GPC6: variants seen among roughly 807,000 people sequenced by gnomAD.
GPC6 encodes glypican-6.
In GPC6, 14 loss-of-function variants were observed where a neutral mutation model predicts 55.2. That is an observed-to-expected ratio of 0.25 (90% CI 0.17 to 0.40). The LOEUF is 0.40. Among genes scored for constraint, GPC6 ranks in the 10% least tolerant of loss-of-function variants. The pLI is 1.00. For missense variants in GPC6, 641 were observed against 708.5 expected (o/e 0.90, Z 1.08); for synonymous variants, 278 against 259.6 (o/e 1.07, Z -0.68).
At chr13:94,118,876 A>G (rs1335131170) in intron 4 of GPC6, among the ~76,000 whole-genome samples, 1 of 152,066 alleles carries the variant, frequency 6.6e-6, no homozygotes, top group Non-Finnish European at 1.5e-5. Context: ...TCTGCTTCAG[A>G]GAGTGTCTCT....
intron 4 of GPC6, among the ~76,000 whole-genome samples, chr13:94,135,369 A>G (rs1887150131): frequency 6.6e-6 from 1 of 152,004 alleles, no homozygotes; most frequent in Non-Finnish European, 1.5e-5. Context: ...TAATCTTGTT[A>G]CTTTAAATAA....
chr13:93,395,087 C>A (rs1875793673), intron 1 of GPC6: 1 of 264,360 alleles, frequency 3.8e-6, no homozygotes, highest in Non-Finnish European at 7.5e-6. Context: ...AAAATCATTG[C>A]AGATTACACA....
chr13:93,596,610 AATAT>A (rs66682625), intron 2 of GPC6, among the ~76,000 whole-genome samples: 1,628 of 132,732 alleles, frequency 0.012, 53 homozygotes, highest in East Asian at 0.12. Context: ...TAAATAAATA[AATAT>A]ATATATATAT....
chr13:94,098,683 G>A (rs1885749877), intron 4 of GPC6, among the ~76,000 whole-genome samples: 1 of 152,000 alleles, frequency 6.6e-6, no homozygotes, highest in Middle Eastern at 3.4e-3. Context: ...ATGATCTTCT[G>A]AATAGGAAAA....
chr13:93,537,905 A>G (rs1397659984), intron 1 of GPC6, among the ~76,000 whole-genome samples: 8 of 135,952 alleles, frequency 5.9e-5, no homozygotes, highest in Admixed American at 5.5e-4. Flanking sequence ...TGAAATTAAA[A>G]TAAAGAACTG....
chr13:93,455,890 A>G (rs1878434897), intron 1 of GPC6, among the ~76,000 whole-genome samples: 1 of 152,162 alleles, frequency 6.6e-6, no homozygotes, highest in Non-Finnish European at 1.5e-5. Context: ...TGCGTCATGA[A>G]CTGCTGTTCA....
chr13:93,547,232 G>C (rs1362507194), intron 2 of GPC6, among the ~76,000 whole-genome samples: 1 of 151,684 alleles, frequency 6.6e-6, no homozygotes, highest in African/African-American at 2.4e-5. Flanking sequence ...TGTAGTCCCA[G>C]CTACTGGGGA....
At chr13:93,304,118 G>A (rs758470675) in intron 1 of GPC6, among the ~76,000 whole-genome samples, 33 of 151,952 alleles carry the variant, frequency 2.2e-4, no homozygotes, top group African/African-American at 6.3e-4. Context: ...CGCCTGCCTC[G>A]GCCTCCCACA....
chr13:94,087,489 A>G (rs1885329725), intron 4 of GPC6, among the ~76,000 whole-genome samples: 2 of 152,254 alleles, frequency 1.3e-5, no homozygotes, highest in South Asian at 4.1e-4. Flanking sequence ...AGCTACTTGA[A>G]ACAAAGGAAT....
intron 4 of GPC6, among the ~76,000 whole-genome samples, chr13:94,136,602 C>T (rs1304748577): frequency 6.6e-6 from 1 of 151,906 alleles, no homozygotes; most frequent in Non-Finnish European, 1.5e-5. Context: ...CCCAGCCACT[C>T]GGGAGGCTGA....
At chr13:94,201,880 T>C (rs765796371) in intron 4 of GPC6, among the ~76,000 whole-genome samples, 7 of 151,830 alleles carry the variant, frequency 4.6e-5, no homozygotes, top group East Asian at 1.9e-4. Context: ...ACCTGGGAGG[T>C]GGAGGTTGCA....
At chr13:93,670,571 A>G (rs992235985) in intron 2 of GPC6, among the ~76,000 whole-genome samples, 1 of 152,210 alleles carries the variant, frequency 6.6e-6, no homozygotes, top group Admixed American at 6.5e-5. Context: ...TGCCAGCAAG[A>G]TATAATATTA....
At chr13:94,080,281 T>C (rs1478821596) in intron 4 of GPC6, among the ~76,000 whole-genome samples, 1 of 152,218 alleles carries the variant, frequency 6.6e-6, no homozygotes, top group Non-Finnish European at 1.5e-5. Context: ...TTTATTTCTT[T>C]TGTGACTTCA....
chr13:94,149,965 C>T (rs1887682061), intron 4 of GPC6, among the ~76,000 whole-genome samples: 1 of 149,336 alleles, frequency 6.7e-6, no homozygotes, highest in Admixed American at 6.6e-5. Flanking sequence ...GCATGCTGCC[C>T]TGTTCCCAGT....
intron 4 of GPC6, among the ~76,000 whole-genome samples, chr13:94,120,405 T>C (rs1886586133): frequency 6.6e-6 from 1 of 152,102 alleles, no homozygotes. Context: ...ATCCTGGCCT[T>C]AGTCACTTAC....
At chr13:93,980,460 G>A (rs1398578183) in intron 3 of GPC6, among the ~76,000 whole-genome samples, 1 of 152,138 alleles carries the variant, frequency 6.6e-6, no homozygotes, top group Admixed American at 6.6e-5. Context: ...AGCCCAGAAA[G>A]AATCCAGCCA....
intron 1 of GPC6, among the ~76,000 whole-genome samples, chr13:93,488,047 G>A (rs568209690): frequency 6.6e-6 from 1 of 152,222 alleles, no homozygotes; most frequent in East Asian, 1.9e-4. Flanking sequence ...GTATACATGT[G>A]CCAAGTTGGT....
chr13:94,131,837 T>C (rs985324640), intron 4 of GPC6, among the ~76,000 whole-genome samples: 2 of 152,086 alleles, frequency 1.3e-5, no homozygotes, highest in Non-Finnish European at 2.9e-5. Context: ...GGGTAGCTAA[T>C]ACAAATGAAA....
chr13:93,249,827 T>A (rs1566540675), intron 1 of GPC6, among the ~76,000 whole-genome samples: 1 of 152,212 alleles, frequency 6.6e-6, no homozygotes, highest in South Asian at 2.1e-4. Flanking sequence ...AAAATATACA[T>A]ATGTTGCAAC....
Sources: allele counts gnomAD v4.1 joint callset (sites outside exome capture counted in the v4.1 genomes callset), GRCh38; gene constraint gnomAD v4.1.1; transcripts MANE v1.5; gene names NCBI Gene and HGNC (gene_info 2026-07-23, HGNC 2026-07-21).